The following KTN1 variants were observed in gnomAD, a reference collection of about 807,000 sequenced individuals.
The protein encoded by KTN1 is kinectin 1.
In KTN1, 130 loss-of-function variants were observed where a neutral mutation model predicts 222.5. That is an observed-to-expected ratio of 0.58 (90% CI 0.51 to 0.68). The LOEUF is 0.68. KTN1 is among the 30% of genes least tolerant of loss of function. The pLI is 0.00. For missense variants in KTN1, 1,508 were observed against 1,500.4 expected (o/e 1.01, Z -0.08); for synonymous variants, 512 against 496.3 (o/e 1.03, Z -0.42).
intron 29 of KTN1, among the ~76,000 whole-genome samples, chr14:55,656,739 T>G (rs1265383375): frequency 1.3e-5 from 2 of 152,160 alleles, no homozygotes; most frequent in Non-Finnish European, 2.9e-5. Context: ...AGTGCTGAGA[T>G]TATAGGTGTG....
chr14:55,641,343 T>C (rs767807572), intron 17 of KTN1, 135 bp downstream of exon 17: 298 of 604,108 alleles, frequency 4.9e-4, no homozygotes, highest in Non-Finnish European at 7.1e-4. Context: ...AGGGGACTTA[T>C]GCAAACCATG....
At chr14:55,667,167 T>C (rs2044867191) in intron 33 of KTN1, 74 bp from the exon 34 acceptor site, 3 of 921,514 alleles carry the variant, frequency 3.3e-6, no homozygotes, top group African/African-American at 3.5e-5. Flanking sequence ...TAAAACACTA[T>C]AGTTTTTTTC....
chr14:55,622,303 C>T (rs1233954282), intron 5 of KTN1, among the ~76,000 whole-genome samples: 1 of 152,036 alleles, frequency 6.6e-6, no homozygotes, highest in African/African-American at 2.4e-5. Flanking sequence ...AACCTCAGGA[C>T]TATTGTTGTG....
chr14:55,628,090 GA>G, intron 6 of KTN1, 62 bp downstream of exon 6: 1 of 1,021,478 alleles, frequency 9.8e-7, no homozygotes, highest in South Asian at 1.4e-5. Flanking sequence ...AAAGATTTTA[GA>G]AATTGTCCAT....
At chr14:55,609,336 C>CT (rs1366240344) in intron 1 of KTN1, among the ~76,000 whole-genome samples, 2 of 152,072 alleles carry the variant, frequency 1.3e-5, no homozygotes, top group Non-Finnish European at 2.9e-5. Context: ...GATCTCATTC[C>CT]TTTTTATGGC....
At chr14:55,587,410 T>A (rs2033234776) in intron 1 of KTN1, among the ~76,000 whole-genome samples, 1 of 152,160 alleles carries the variant, frequency 6.6e-6, no homozygotes, top group Admixed American at 6.5e-5. Flanking sequence ...GTGTTCTGAG[T>A]GGAATCTGTA....
rs913709764 is a variant in KTN1, at chr14:55,627,964, A to G, written c.1016A>G (p.Lys339Arg). 5 of 1,613,982 alleles carry G rather than the reference A, an allele frequency of 3.1e-6. No individual in the cohort carries two copies. The highest frequency in any genetic ancestry group is 2.5e-6 in the Non-Finnish European group (3 of 1,179,874). ...TLIHQLQEKD[K>R]LLAAVKEDAA... ...ATACATCAGCTTCAAGAAAAGGACA[A>G]GTTACTCGCTGCTGTGAAGGAAGAT... is the stretch of plus-strand genomic sequence containing the variant. Residue 339 changes from lysine (K) to arginine (R), a missense_variant, in exon 6 of 44, where the codon AAG becomes AGG. Lys to Arg is a conservative substitution (Grantham distance 26, BLOSUM62 2). Transcript: ENST00000395314.
intron 1 of KTN1, among the ~76,000 whole-genome samples, chr14:55,605,142 G>A (rs188750541): frequency 1.3e-5 from 2 of 152,206 alleles, no homozygotes; most frequent in African/African-American, 2.4e-5. Context: ...AGATAGTTGC[G>A]TTTTCTTATT....
chr14:55,582,175 T>G (rs2031829935), intron 1 of KTN1, among the ~76,000 whole-genome samples: 1 of 152,222 alleles, frequency 6.6e-6, no homozygotes, highest in Non-Finnish European at 1.5e-5. Context: ...TATTTAACTC[T>G]TAATGATTCA....
In KTN1 at chr14:55,661,685, T is replaced by A. The variant is rs540827154; in HGVS notation, c.3090+73T>A. ...CACTGAAATATGGTTCAGGAATTTT[T>A]TTTAAATCTACTTTTACTTTAGATT... On this transcript the variant is annotated intron_variant, in intron 32 of 43. Transcript: ENST00000395314. 3.0e-4 allele frequency: 228 copies of A among 752,262 alleles called. 2 individuals are homozygous for A. The South Asian group carries it at 4.8e-3, about 16-fold the overall frequency. The allele number at this position is 752,262 out of a possible 1,614,324, so 46.6% of individuals were successfully genotyped here.
At chr14:55,601,440 C>G (rs545940933) in intron 1 of KTN1, among the ~76,000 whole-genome samples, 14 of 152,130 alleles carry the variant, frequency 9.2e-5, no homozygotes. Context: ...AATGTTTTTC[C>G]TCTTATTTTA....
intron 34 of KTN1, among the ~76,000 whole-genome samples, chr14:55,669,831 T>C (rs887388331): frequency 6.6e-6 from 1 of 152,016 alleles, no homozygotes; most frequent in African/African-American, 2.4e-5. Context: ...TGTTTTTTGT[T>C]ATTTGATAGT....
chr14:55,589,661 T>TTTC (rs1555355650), intron 1 of KTN1, among the ~76,000 whole-genome samples: 2 of 140,208 alleles, frequency 1.4e-5, no homozygotes, highest in Admixed American at 7.1e-5. Flanking sequence ...GATTTCTTTT[T>TTTC]TTTTTTTTTT....
intron 18 of KTN1, 76 bp from the exon 19 acceptor site, chr14:55,646,897 A>C: frequency 2.1e-6 from 2 of 937,612 alleles, no homozygotes; most frequent in Non-Finnish European, 3.4e-6. Context: ...AATTTTCACA[A>C]AATTACATTT....
In KTN1 at chr14:55,580,660, C is replaced by A. The variant is rs1476398459; in HGVS notation, c.-31+306C>A. Among the ~76,000 whole-genome samples the A allele has an allele frequency of 2.6e-5, 4 of 152,100 alleles. No individual in the cohort carries two copies. In the Middle Eastern group the frequency reaches 0.01, roughly 388 times the overall value. On this transcript the variant is annotated intron_variant, in intron 1 of 43. Transcript: ENST00000395314. The stretch of plus-strand genomic sequence containing the variant: ...GGCGCGGCCGAGGGACACCCCCCAC[C>A]CTCCCCAAGGACGACTCTCCCGAAG...
At chr14:55,631,110 TTC>T (rs199507333) in intron 7 of KTN1, among the ~76,000 whole-genome samples, 5 of 150,434 alleles carry the variant, frequency 3.3e-5, no homozygotes, top group Admixed American at 1.3e-4. Context: ...AATTTTTTTT[TTC>T]TTATTTTTGA....
chr14:55,653,687 C>A, intron 28 of KTN1, 91 bp downstream of exon 28: 1 of 894,966 alleles, frequency 1.1e-6, no homozygotes, highest in South Asian at 1.5e-5. Flanking sequence ...GTTTCCTGTA[C>A]ATCATTAACT....
chr14:55,676,531 T>G (rs2045902526), intron 41 of KTN1, among the ~76,000 whole-genome samples: 2 of 152,144 alleles, frequency 1.3e-5, no homozygotes. Flanking sequence ...CAAGTGTCAC[T>G]TTTTGGAATT....
intron 18 of KTN1, among the ~76,000 whole-genome samples, chr14:55,642,258 C>A (rs1177068891): frequency 1.3e-5 from 2 of 152,106 alleles, no homozygotes; most frequent in South Asian, 2.1e-4. Flanking sequence ...ATGTATGGTG[C>A]CTAGTCTAGT....
Sources: allele counts gnomAD v4.1 joint callset (sites outside exome capture counted in the v4.1 genomes callset), GRCh38; gene constraint gnomAD v4.1.1; transcripts MANE v1.5; gene names NCBI Gene and HGNC (gene_info 2026-07-23, HGNC 2026-07-21).